JPH3: variants seen among roughly 807,000 people sequenced by gnomAD.
The protein encoded by JPH3 is junctophilin 3.
In JPH3, 11 loss-of-function variants were observed where a neutral mutation model predicts 59.6. That is an observed-to-expected ratio of 0.18 (90% CI 0.12 to 0.31). JPH3 has a LOEUF of 0.31. JPH3 is among the 10% of genes least tolerant of loss of function. The pLI, the probability that JPH3 is intolerant of heterozygous loss-of-function variation, is 1.00. For missense variants in JPH3, 1,202 were observed against 1,105.7 expected, an observed-to-expected ratio of 1.09 and a Z score of -1.24; for synonymous variants, 673 against 483.6, an observed-to-expected ratio of 1.39 and a Z score of -5.14.
intron 2 of JPH3, among the ~76,000 whole-genome samples, chr16:87,672,260 C>A (rs1200589227): frequency 6.6e-6 from 1 of 152,138 alleles, no homozygotes; most frequent in Non-Finnish European, 1.5e-5. Flanking sequence ...GGGAGCCCTG[C>A]GCTTTGTCAT....
At position 87,610,423 on chromosome 16, in the gene JPH3, C is replaced by T. The variant is rs118056718; in HGVS notation, c.382+6895C>T. Among the ~76,000 whole-genome samples, 1,145 of 152,242 alleles carry T rather than the reference C, an allele frequency of 7.5e-3. 7 individuals are homozygous for T. The highest frequency in any genetic ancestry group is 0.033 in the South Asian group (160 of 4,824). On this transcript the variant is annotated intron_variant, in intron 1 of 4. Coordinates refer to ENST00000284262, the MANE Select transcript of JPH3 (RefSeq NM_020655.4). ...TGGAGTGTAAGTTCCATATGGGAAG[C>T]GGTTTGTGTCCATGCTGGTCACTGC...
intron 2 of JPH3, among the ~76,000 whole-genome samples, chr16:87,660,098 C>T (rs1374595143): frequency 1.3e-5 from 2 of 152,188 alleles, no homozygotes; most frequent in East Asian, 3.9e-4. Flanking sequence ...CTCCCTGTGC[C>T]TCAGTTTCCT....
Position 87,666,005 on chromosome 16 carries a change from C to G in JPH3, c.1161-18137C>G, listed in dbSNP as rs575407849. Among the ~76,000 whole-genome samples the G allele has an allele frequency of 7.2e-5, 11 of 152,240 alleles. 1 individual carries two copies. In the South Asian group the frequency reaches 2.1e-3, roughly 29 times the overall value. ...AAACCAGGGTGTGCAGAGGCCCGCT[C>G]GATCCATGGGGCAGATCAGCAAATG... On this transcript the variant is annotated intron_variant, in intron 2 of 4. Transcript: ENST00000284262.
chr16:87,612,117 A>C (rs1461775382), intron 1 of JPH3, among the ~76,000 whole-genome samples: 1 of 151,944 alleles, frequency 6.6e-6, no homozygotes, highest in Admixed American at 6.6e-5. Flanking sequence ...GGGCATTGGG[A>C]TTCTTTTTAT....
At chr16:87,680,028 T>C (rs72810182) in intron 2 of JPH3, among the ~76,000 whole-genome samples, 8,000 of 152,272 alleles carry the variant, frequency 0.053, 335 homozygotes, top group Non-Finnish European at 0.075. Context: ...TGGGCACCCG[T>C]TGGGGACAGG....
intron 2 of JPH3, among the ~76,000 whole-genome samples, chr16:87,668,960 C>A (rs981460272): frequency 1.3e-5 from 2 of 152,130 alleles, no homozygotes; most frequent in African/African-American, 4.8e-5. Context: ...TAGCTGCACA[C>A]GCATTACAAA....
At chr16:87,622,548 T>G (rs113164928) in intron 1 of JPH3, among the ~76,000 whole-genome samples, 10 of 150,906 alleles carry the variant, frequency 6.6e-5, no homozygotes, top group African/African-American at 1.9e-4. Flanking sequence ...CTCCCCTCTG[T>G]GAGGCTGTGG....
At chr16:87,652,969 G>A (rs984105321) in intron 2 of JPH3, among the ~76,000 whole-genome samples, 31 of 152,314 alleles carry the variant, frequency 2.0e-4, no homozygotes, top group Admixed American at 2.0e-3. Context: ...TGTCGGCTCA[G>A]GACTGTCCTG....
intron 2 of JPH3, among the ~76,000 whole-genome samples, chr16:87,660,058 C>T (rs1009553022): frequency 6.6e-6 from 1 of 151,988 alleles, no homozygotes; most frequent in Admixed American, 6.6e-5. Context: ...CCAGCCCTGC[C>T]ACCTGGAAAC....
At chr16:87,684,402 T>G in intron 3 of JPH3, 136 bp downstream of exon 3, 1 of 1,378,410 alleles carries the variant, frequency 7.3e-7, no homozygotes, top group East Asian at 2.5e-5. Context: ...CTGCCCGGTG[T>G]CTTCCTCTCC....
At chr16:87,682,696 C>T (rs1423857498) in intron 2 of JPH3, among the ~76,000 whole-genome samples, 1 of 152,238 alleles carries the variant, frequency 6.6e-6, no homozygotes, top group Non-Finnish European at 1.5e-5. Flanking sequence ...TTTGTTGCAG[C>T]CCCAACAGGC....
chr16:87,647,278 C>T (rs763224806), intron 2 of JPH3, among the ~76,000 whole-genome samples: 38 of 151,994 alleles, frequency 2.5e-4, no homozygotes, highest in Non-Finnish European at 4.6e-4. Flanking sequence ...GGGGTGGGCA[C>T]GGCTCCTACT....
intron 3 of JPH3, 192 bp downstream of exon 3, chr16:87,684,458 G>A: frequency 1.2e-6 from 1 of 800,294 alleles, no homozygotes; most frequent in Non-Finnish European, 2.0e-6. Context: ...GGCTCCCCGG[G>A]ACACAGGACA....
At chr16:87,617,069 G>A (rs1040659583) in intron 1 of JPH3, among the ~76,000 whole-genome samples, 19 of 152,188 alleles carry the variant, frequency 1.2e-4, no homozygotes, top group Admixed American at 2.6e-4. Context: ...TACTAAAAAT[G>A]TAAAATTAGC....
chr16:87,667,901 G>T (rs1386629768), intron 2 of JPH3, among the ~76,000 whole-genome samples: 1 of 152,132 alleles, frequency 6.6e-6, no homozygotes, highest in East Asian at 1.9e-4. Flanking sequence ...GGCTGCCATT[G>T]GGCTGTGTTG....
intron 2 of JPH3, among the ~76,000 whole-genome samples, chr16:87,648,486 G>C (rs925243543): frequency 6.6e-6 from 1 of 152,168 alleles, no homozygotes; most frequent in African/African-American, 2.4e-5. Context: ...GGCAGGGCTT[G>C]TCAGGCCGCG....
chr16:87,645,392 G>T (rs1162722026), intron 2 of JPH3, among the ~76,000 whole-genome samples: 1 of 152,248 alleles, frequency 6.6e-6, no homozygotes, highest in East Asian at 1.9e-4. Context: ...TGCTGTGCTA[G>T]CTAGTAGGGG....
chr16:87,641,237 T>C (rs1272194236), intron 1 of JPH3, among the ~76,000 whole-genome samples: 1 of 152,126 alleles, frequency 6.6e-6, no homozygotes, highest in Non-Finnish European at 1.5e-5. Flanking sequence ...CTTGCCCGGC[T>C]CTTGGCATCC....
chr16:87,627,871 G>A (rs1461191709), intron 1 of JPH3, among the ~76,000 whole-genome samples: 1 of 152,200 alleles, frequency 6.6e-6, no homozygotes. Flanking sequence ...GCATCAGCCA[G>A]GCACCCTGCA....
Sources: allele counts gnomAD v4.1 joint callset (sites outside exome capture counted in the v4.1 genomes callset), GRCh38; gene constraint gnomAD v4.1.1; transcripts MANE v1.5; gene names NCBI Gene and HGNC (gene_info 2026-07-23, HGNC 2026-07-21).